The following MUC22 variants were observed in gnomAD, a reference collection of about 807,000 sequenced individuals.
MUC22 encodes the protein mucin-22.
A neutral mutation model predicts 40.3 loss-of-function variants in MUC22; 24 were observed. That is an observed-to-expected ratio of 0.60 (90% CI 0.43 to 0.84). The LOEUF (loss-of-function observed/expected upper bound fraction) is 0.84, where lower values mean the gene tolerates loss of function less well. MUC22 is among the 40% of genes least tolerant of loss of function. The pLI, the probability that MUC22 is intolerant of heterozygous loss-of-function variation, is 0.00. For synonymous variants in MUC22, 765 were observed against 844.5 expected, an observed-to-expected ratio of 0.91 and a Z score of 1.63; for missense variants, 1,926 against 2,130.7, an observed-to-expected ratio of 0.90 and a Z score of 1.89.
At chr6:31,023,053 C>G (rs1764998849) in intron 1 of MUC22, among the ~76,000 whole-genome samples, 1 of 151,886 alleles carries the variant, frequency 6.6e-6, no homozygotes, top group Non-Finnish European at 1.5e-5. Flanking sequence ...TCACTTGAAC[C>G]TGGGAAGTGG....
exon 2 of MUC22, chr6:31,025,828 A>T: frequency 6.5e-7 from 1 of 1,533,652 alleles, no homozygotes; most frequent in Non-Finnish European, 8.7e-7. Flanking sequence ...GGCCTCCACC[A>T]CAGTCTCTGG....
At chr6:31,008,769 C>G (rs1763680796), upstream of MUC22, among the ~76,000 whole-genome samples, 1 of 152,068 alleles carries the variant, frequency 6.6e-6, no homozygotes, top group Non-Finnish European at 1.5e-5. Flanking sequence ...GTTGATCAGG[C>G]TGGTCTCAAA....
intron 1 of MUC22, among the ~76,000 whole-genome samples, chr6:31,020,950 T>C (rs1634728): frequency 0.78 from 118,005 of 152,160 alleles, 45,907 homozygotes; most frequent in African/African-American, 0.82. Flanking sequence ...GCCTTAGCTG[T>C]CTTCCCATGG....
chr6:31,010,328 C>T (rs182889782), upstream of MUC22: 7 of 195,516 alleles, frequency 3.6e-5, no homozygotes, highest in Admixed American at 2.2e-4. Context: ...CTCTCTCCTC[C>T]GCCTTGATTC....
Position 31,027,624 on chromosome 6 carries a change from A to C in MUC22, c.2193A>C (p.Thr731=), listed in dbSNP as rs927798835. The C allele has an allele frequency of 1.0e-5, 16 of 1,528,272 alleles. No homozygotes were observed. In the African/African-American group the frequency reaches 1.7e-4, roughly 16 times the overall value. 94.7% of individuals were successfully genotyped at this position (1,528,272 alleles called of 1,614,324 possible). The change falls in exon 2 of 4, where the codon ACA becomes ACC. Residue 731 remains threonine, a synonymous_variant. Transcript: ENST00000561890. ...CTGAGACCAAAACAGCCTATACTAC[A>C]GGCTCTGAGACCACCACAGCCTCTA...
chr6:31,027,484 A>C (rs1415005424), exon 2 of MUC22: 3 of 1,531,662 alleles, frequency 2.0e-6, no homozygotes, highest in Non-Finnish European at 2.6e-6. Context: ...AGTCTTTGAG[A>C]CCACTACAGC....
At chr6:31,016,348 G>A (rs536723146) in intron 1 of MUC22, among the ~76,000 whole-genome samples, 1 of 152,312 alleles carries the variant, frequency 6.6e-6, no homozygotes, top group African/African-American at 2.4e-5. Context: ...ATGCCTGGAA[G>A]CTCTGTGAGC....
chr6:31,020,210 T>C (rs1632870), intron 1 of MUC22, among the ~76,000 whole-genome samples: 134,053 of 152,140 alleles, frequency 0.88, 59,252 homozygotes, highest in African/African-American at 0.95. Flanking sequence ...AATCCTAGAA[T>C]GAGCTAGAAA....
exon 2 of MUC22, chr6:31,028,519 A>C (rs1210149663): frequency 6.5e-7 from 1 of 1,531,660 alleles, no homozygotes; most frequent in Admixed American, 2.0e-5. Flanking sequence ...GGCATCCATC[A>C]TGGGCTCTGA....
At chr6:31,029,413 G>A in exon 2 of MUC22, 2 of 1,534,786 alleles carry the variant, frequency 1.3e-6, no homozygotes, top group Non-Finnish European at 1.7e-6. Flanking sequence ...GACCACCACA[G>A]CCTCTACCGC....
chr6:31,029,546 G>C, exon 2 of MUC22: 1 of 1,528,530 alleles, frequency 6.5e-7, no homozygotes, highest in Non-Finnish European at 8.8e-7. Context: ...TCTACTGAAG[G>C]CTCTGAGGCC....
At chr6:31,006,688 T>C (rs925203105), upstream of MUC22, among the ~76,000 whole-genome samples, 1 of 152,084 alleles carries the variant, frequency 6.6e-6, no homozygotes, top group African/African-American at 2.4e-5. Flanking sequence ...TACTGTGATA[T>C]ATGTATAGCA....
In MUC22 at chr6:31,033,390, G is replaced by A. The variant is rs182160976; in HGVS notation, c.5055+809G>A. The stretch of plus-strand genomic sequence containing the variant: ...AAAATGTTCAGCCATCCAAAATGCG[G>A]GCTTCCGATTGTCTCATGTATGACA... On this transcript the variant is annotated intron_variant, in intron 3 of 3. Coordinates refer to ENST00000561890, the Ensembl canonical transcript of MUC22. Among the ~76,000 whole-genome samples the A allele has an allele frequency of 3.7e-3, 570 of 152,300 alleles. 20 individuals are homozygous for A. In the South Asian group the frequency reaches 0.067, roughly 18 times the overall value.
At chr6:31,022,272 C>T (rs556446303) in intron 1 of MUC22, among the ~76,000 whole-genome samples, 1 of 152,184 alleles carries the variant, frequency 6.6e-6, no homozygotes, top group Non-Finnish European at 1.5e-5. Flanking sequence ...ATTTTCCTGC[C>T]TCAGCTTCTC....
chr6:31,023,178 AG>A (rs1400649298), intron 1 of MUC22, among the ~76,000 whole-genome samples: 9 of 39,944 alleles, frequency 2.3e-4, no homozygotes, highest in African/African-American at 3.8e-4. Flanking sequence ...AAAAAAAAAA[AG>A]GCGAAAAATG....
intron 1 of MUC22, among the ~76,000 whole-genome samples, chr6:31,019,800 G>A (rs4713416): frequency 0.12 from 18,345 of 152,226 alleles, 1,325 homozygotes; most frequent in East Asian, 0.33. Context: ...GTTGCAATGA[G>A]CCGAGATAGC....
chr6:31,012,364 C>T (rs1044330040), intron 1 of MUC22, among the ~76,000 whole-genome samples: 1 of 152,204 alleles, frequency 6.6e-6, no homozygotes, highest in Non-Finnish European at 1.5e-5. Flanking sequence ...ACCCTGAATG[C>T]TTCAACTGTT....
Position 31,020,880 on chromosome 6 carries a change from G to A in MUC22, c.71-4622G>A, listed in dbSNP as rs1320007720. 2.0e-5 allele frequency among the ~76,000 whole-genome samples: 3 copies of A among 152,350 alleles called. No homozygotes were observed. The East Asian group carries it at 5.8e-4, about 29-fold the overall frequency. On this transcript the variant is annotated intron_variant, in intron 1 of 3. Coordinates refer to ENST00000561890, the Ensembl canonical transcript of MUC22. ...TAGCACCCGGGCCAGTGGCTGCGGA[G>A]GGTGTACTAGGTCCCCCAGCAGTGC...
At position 31,020,064 on chromosome 6, in the gene MUC22, C is replaced by T. The variant is rs183559262; in HGVS notation, c.71-5438C>T. Among the ~76,000 whole-genome samples, 424 of 152,186 alleles carry T rather than the reference C, an allele frequency of 2.8e-3. 5 individuals are homozygous for T. The highest frequency in any genetic ancestry group is 9.8e-3 in the African/African-American group (407 of 41,504). Reference sequence around the variant, plus strand: ...GAAAACATGTTTAAAGAAATAGTAGCTGAAAAAATTAAATTTGATGAAAAC... The same window carrying T: ...GAAAACATGTTTAAAGAAATAGTAGTTGAAAAAATTAAATTTGATGAAAAC... On this transcript the variant is annotated intron_variant, in intron 1 of 3. Transcript: ENST00000561890.
Sources: gnomAD v4.1 joint callset for allele counts (sites outside exome capture counted in the v4.1 genomes callset) on GRCh38, gnomAD v4.1.1 for gene constraint, MANE v1.5 for transcripts, NCBI Gene and HGNC (gene_info 2026-07-23, HGNC 2026-07-21) for gene names.